Variants in PRDM6 observed in about 807,000 individuals in gnomAD.
PRDM6 encodes the protein putative histone-lysine N-methyltransferase PRDM6.
A neutral mutation model predicts 60.8 loss-of-function variants in PRDM6; 25 were observed. The ratio of observed to expected loss-of-function variants is 0.41; its 90% CI spans 0.30 to 0.57. PRDM6 has a LOEUF of 0.57. Ranked by LOEUF, PRDM6 falls within the 20% of genes least tolerant of loss-of-function variation. The pLI is 0.27. For missense variants in PRDM6, 839 were observed against 821.3 expected (o/e 1.02, Z -0.26); for synonymous variants, 407 against 357.4 (o/e 1.14, Z -1.57).
At chr5:123,179,313 A>G (rs1181001663) in intron 6 of PRDM6, among the ~76,000 whole-genome samples, 1 of 152,220 alleles carries the variant, frequency 6.6e-6, no homozygotes, top group Admixed American at 6.5e-5. Flanking sequence ...TGCAAGCACA[A>G]TGACATCCTA....
chr5:123,139,064 C>T (rs112120949), intron 3 of PRDM6, among the ~76,000 whole-genome samples: 11 of 152,270 alleles, frequency 7.2e-5, no homozygotes, highest in African/African-American at 2.6e-4. Flanking sequence ...TTCTCTCCTG[C>T]CTCCTTGTGA....
intron 3 of PRDM6, among the ~76,000 whole-genome samples, chr5:123,119,553 C>T (rs1399207473): frequency 2.6e-5 from 4 of 152,158 alleles, no homozygotes; most frequent in African/African-American, 9.7e-5. Flanking sequence ...CTGGCCCTGC[C>T]CCCTCTTGGA....
intron 3 of PRDM6, among the ~76,000 whole-genome samples, chr5:123,129,258 C>T (rs1027203153): frequency 1.3e-5 from 2 of 152,074 alleles, no homozygotes; most frequent in Non-Finnish European, 2.9e-5. Context: ...CTCTTTTTTG[C>T]TTCCATATGA....
At chr5:123,150,725 C>T (rs6890251) in intron 3 of PRDM6, among the ~76,000 whole-genome samples, 27,912 of 152,052 alleles carry the variant, frequency 0.18, 3,158 homozygotes, top group East Asian at 0.59. Context: ...ATCTGAGAAA[C>T]GGTGTCTTTT....
intron 7 of PRDM6, among the ~76,000 whole-genome samples, chr5:123,183,429 C>G (rs938779858): frequency 4.6e-5 from 7 of 152,286 alleles, no homozygotes; most frequent in African/African-American, 1.7e-4. Flanking sequence ...CCAAAGAAGG[C>G]TGCAGAAGAT....
At chr5:123,123,195 T>A (rs1324703864) in intron 3 of PRDM6, among the ~76,000 whole-genome samples, 1 of 152,244 alleles carries the variant, frequency 6.6e-6, no homozygotes, top group Non-Finnish European at 1.5e-5. Context: ...CGCTACTTTT[T>A]CTATTATAAA....
At chr5:123,091,060 TG>T (rs1212740890) in intron 2 of PRDM6, among the ~76,000 whole-genome samples, 1 of 152,058 alleles carries the variant, frequency 6.6e-6, no homozygotes, top group Non-Finnish European at 1.5e-5. Context: ...GACCAGGGCT[TG>T]TTTTTGCTAC....
chr5:123,171,095 C>A lies in PRDM6; in HGVS notation c.1483C>A (p.Gln495Lys). ...CCTCTTACAGATGCACGTGTGCACG[C>A]AGAACCCCGACAGGTAACCCTGACT... The part of the protein sequence containing the change: ...RILLQMHVCT[Q>K]NPDRPYQCGH... The change falls in exon 6 of 8, where the codon CAG becomes AAG. Residue 495 changes from glutamine (Q) to lysine (K), a missense_variant. Physicochemically the swap from Gln to Lys is moderately conservative, Grantham distance 53. This residue lies in a region of PRDM6 where 109 missense variants were observed against 172.6 expected (regional missense o/e 0.63). Coordinates refer to ENST00000407847, the MANE Select transcript of PRDM6 (RefSeq NM_001136239.4). The A allele has an allele frequency of 6.5e-7, 1 of 1,539,984 alleles. No homozygotes were observed. The highest frequency in any genetic ancestry group is 8.8e-7 in the Non-Finnish European group (1 of 1,139,702).
intron 3 of PRDM6, among the ~76,000 whole-genome samples, chr5:123,141,017 C>T (rs1404817300): frequency 6.6e-6 from 1 of 151,774 alleles, no homozygotes; most frequent in Non-Finnish European, 1.5e-5. Flanking sequence ...ATAATTTTTA[C>T]AAGGGTGATT....
intron 3 of PRDM6, among the ~76,000 whole-genome samples, chr5:123,117,411 AT>A (rs529331150): frequency 1.3e-5 from 2 of 151,378 alleles, no homozygotes; most frequent in East Asian, 1.9e-4. Flanking sequence ...GGTTTTTGGC[AT>A]TTTTTTTTCC....
intron 7 of PRDM6, among the ~76,000 whole-genome samples, chr5:123,182,165 A>G (rs1473886576): frequency 6.6e-6 from 1 of 152,202 alleles, no homozygotes; most frequent in East Asian, 1.9e-4. Context: ...AAGGAGCTGC[A>G]TGGGCTACCA....
chr5:123,191,885 G>A lies in PRDM6; in HGVS notation c.*4684G>A, dbSNP rs1240747746. On this transcript the variant is annotated 3_prime_UTR_variant, in exon 8 of 8. Transcript: ENST00000407847. Reference sequence around the variant, plus strand: ...ATATTGCTTTATCTGTGGAAACCTTGCCACAGATGTTTAACCTGTAGTCCA... The same window carrying A: ...ATATTGCTTTATCTGTGGAAACCTTACCACAGATGTTTAACCTGTAGTCCA... 2.0e-5 allele frequency: 3 copies of A among 152,162 alleles called. No individual in the cohort carries two copies. The highest frequency in any genetic ancestry group is 7.2e-5 in the African/African-American group (3 of 41,446). The allele number at this position is 152,162 out of a possible 1,614,324, so 9.4% of individuals were successfully genotyped here.
chr5:123,114,305 C>T (rs1038350671), intron 3 of PRDM6, among the ~76,000 whole-genome samples: 1 of 152,208 alleles, frequency 6.6e-6, no homozygotes, highest in Non-Finnish European at 1.5e-5. Flanking sequence ...ACCAATGTCT[C>T]GCTAATTTTC....
intron 3 of PRDM6, among the ~76,000 whole-genome samples, chr5:123,117,348 C>T (rs1302823615): frequency 6.6e-6 from 1 of 152,174 alleles, no homozygotes; most frequent in Non-Finnish European, 1.5e-5. Context: ...CTAAAGTAGT[C>T]ACAACTCGGA....
At chr5:123,114,520 T>C (rs963824121) in intron 3 of PRDM6, among the ~76,000 whole-genome samples, 1 of 152,228 alleles carries the variant, frequency 6.6e-6, no homozygotes, top group Non-Finnish European at 1.5e-5. Flanking sequence ...CTCCCGATAT[T>C]ACTTGTAGCC....
chr5:123,142,976 A>G (rs1765147924), intron 3 of PRDM6, among the ~76,000 whole-genome samples: 1 of 151,254 alleles, frequency 6.6e-6, no homozygotes, highest in African/African-American at 2.4e-5. Flanking sequence ...AATGAGAGTG[A>G]GATCACGTAC....
rs1764047864 is a variant in PRDM6 at position 123,099,534 on chromosome 5, G to T, written c.593-120G>T. 2.2e-6 allele frequency: 2 copies of T among 906,150 alleles called. No individual in the cohort carries two copies. The allele number at this position is 906,150 out of a possible 1,614,324, so 56.1% of individuals were successfully genotyped here. A position where few individuals can be genotyped will look rare whatever the true frequency, so the allele number is the denominator to read the frequency against. ...GTGCCCCCAAGGCATCACCTTCCTC[G>T]AAGGTGGCTTACCCAGGCGGGCGGT... On this transcript the variant is annotated intron_variant, in intron 2 of 7. Coordinates refer to ENST00000407847, the MANE Select transcript of PRDM6 (RefSeq NM_001136239.4). The surrounding 1 kb of genome is among the most constrained non-coding windows in gnomAD (Gnocchi z 4.0).
At chr5:123,158,806 G>T (rs1189338403) in intron 4 of PRDM6, among the ~76,000 whole-genome samples, 1 of 151,890 alleles carries the variant, frequency 6.6e-6, no homozygotes, top group African/African-American at 2.4e-5. Flanking sequence ...GAGAAAACCA[G>T]TCTCAGTCTC....
chr5:123,104,897 C>A (rs1376093022), intron 3 of PRDM6, among the ~76,000 whole-genome samples: 1 of 152,112 alleles, frequency 6.6e-6, no homozygotes, highest in Non-Finnish European at 1.5e-5. Flanking sequence ...TTGAAAATGT[C>A]CATTTAAAGT....
Sources: gnomAD v4.1 joint callset for allele counts (sites outside exome capture counted in the v4.1 genomes callset) on GRCh38, gnomAD v4.1.1 for gene constraint, gnomAD v4.1.1 regional missense constraint, Gnocchi (gnomAD v3.1) non-coding constraint, MANE v1.5 for transcripts, NCBI Gene and HGNC (gene_info 2026-07-23, HGNC 2026-07-21) for gene names.